The following TFG variants were observed in gnomAD, a reference collection of about 807,000 sequenced individuals.
TFG encodes the protein trafficking from ER to golgi regulator, also known as protein TFG.
In TFG, 22 loss-of-function variants were observed where a neutral mutation model predicts 51.4. That is an observed-to-expected ratio of 0.43 (90% CI 0.31 to 0.61). TFG has a LOEUF of 0.61. Ranked by LOEUF, TFG falls within the 20% of genes least tolerant of loss-of-function variation. The probability of loss-of-function intolerance (pLI) is 0.12; values close to 1 mark genes in which losing one functional copy is unlikely to be tolerated. For missense variants in TFG, 419 were observed against 487.7 expected, an observed-to-expected ratio of 0.86 and a Z score of 1.33; for synonymous variants, 187 against 165.6, an observed-to-expected ratio of 1.13 and a Z score of -0.99.
rs1210008384 is a variant in TFG at position 100,748,226 on chromosome 3, C to T, written c.898C>T (p.Pro300Ser). 6 of 1,614,134 alleles carry T rather than the reference C, an allele frequency of 3.7e-6. No individual in the cohort carries two copies. The highest frequency in any genetic ancestry group is 5.1e-6 in the Non-Finnish European group (6 of 1,179,992). The part of the protein sequence containing the change: ...GYGQQPTSQA[P>S]APAFSGQPQQ... ...TGGCCAGCAACCAACTTCCCAGGCA[C>T]CAGCTCCTGCCTTTTCTGGTCAGCC... The change falls in exon 8 of 8, where the codon CCA becomes TCA. Residue 300 changes from proline to serine, a missense_variant. This residue lies in a region of TFG where 391 missense variants were observed against 434.4 expected (regional missense o/e 0.90). Coordinates refer to ENST00000240851, the MANE Select transcript of TFG (RefSeq NM_006070.6).
rs182688059 is a variant in TFG, at chr3:100,734,347, T to C, written c.580+1675T>C. On this transcript the variant is annotated intron_variant, in intron 5 of 7. Transcript: ENST00000240851. ...GCCTTCTTGAGATATCCTCGTCTGCTCTCCCAGCCCTATAGTCAGCTGGGG... is the reference window on the plus strand; with the variant it reads ...GCCTTCTTGAGATATCCTCGTCTGCCCTCCCAGCCCTATAGTCAGCTGGGG... Among the ~76,000 whole-genome samples, 395 of 152,218 alleles carry C rather than the reference T, an allele frequency of 2.6e-3. 1 individual carries two copies. Among genetic ancestry groups the C allele is most frequent in the Admixed American group, 4.9e-3 (75 of 15,286 alleles).
intron 6 of TFG, among the ~76,000 whole-genome samples, chr3:100,741,944 C>T (rs942100944): frequency 2.6e-5 from 4 of 152,094 alleles, no homozygotes; most frequent in Non-Finnish European, 2.9e-5. Context: ...TGTAAGTATA[C>T]TATATGATTA....
chr3:100,743,091 A>T (rs1037869300), intron 6 of TFG: 1 of 152,208 alleles, frequency 6.6e-6, no homozygotes, highest in Non-Finnish European at 1.5e-5. Context: ...AAATGACTTT[A>T]TAAACTAAAG....
rs1014927592 is a variant in TFG, at chr3:100,723,562, A to G, written c.268+3504A>G. ...AAGTAAAGGGCTAGGAAAAGAGACT[A>G]GACAAATGCAAAGAAAGCTGGTTAT... On this transcript the variant is annotated intron_variant, in intron 3 of 7. Coordinates refer to ENST00000240851, the MANE Select transcript of TFG (RefSeq NM_006070.6). 9.8e-5 allele frequency among the ~76,000 whole-genome samples: 15 copies of G among 152,292 alleles called. No individual in the cohort carries two copies. The East Asian group carries it at 2.9e-3, about 29-fold the overall frequency.
At chr3:100,723,323 G>GA (rs1262919908) in intron 3 of TFG, among the ~76,000 whole-genome samples, 1 of 151,758 alleles carries the variant, frequency 6.6e-6, no homozygotes, top group Non-Finnish European at 1.5e-5. Flanking sequence ...CAGGAAAGGA[G>GA]AAAAAAAGAA....
intron 6 of TFG, chr3:100,743,365 C>A (rs908245221): frequency 1.3e-5 from 2 of 152,002 alleles, no homozygotes; most frequent in African/African-American, 4.8e-5. Flanking sequence ...TACCTACTTA[C>A]CTTTTTATTT....
intron 6 of TFG, among the ~76,000 whole-genome samples, chr3:100,739,094 AGCATGAATTATAGGCTACTTTTACTTTTT>A (rs1371869250): frequency 2.0e-5 from 3 of 152,194 alleles, no homozygotes; most frequent in African/African-American, 7.2e-5. Context: ...ATAGATTCCC[AGCATGAATTATAGGCTACTTTTACTTTTT>A]GTTGTATAAT....
chr3:100,736,831 T>C, intron 6 of TFG, 115 bp downstream of exon 6: 2 of 1,141,150 alleles, frequency 1.8e-6, no homozygotes, highest in South Asian at 1.9e-5. Context: ...GGAAAAATTT[T>C]GATTTACTGA....
At chr3:100,728,926 T>C in intron 4 of TFG, 68 bp downstream of exon 4, 15 of 1,377,974 alleles carry the variant, frequency 1.1e-5, no homozygotes, top group Non-Finnish European at 1.5e-5. Context: ...TAAAAAACTC[T>C]TTTTAAGTAG....
At chr3:100,735,688 AT>A (rs1403339421) in intron 5 of TFG, among the ~76,000 whole-genome samples, 2 of 152,224 alleles carry the variant, frequency 1.3e-5, no homozygotes, top group African/African-American at 4.8e-5. Context: ...TGTCCTCAGA[AT>A]ATCTTTTTTG....
chr3:100,720,163 ATAT>A (rs2095056833), intron 3 of TFG, 105 bp downstream of exon 3: 1 of 618,052 alleles, frequency 1.6e-6, no homozygotes, highest in Non-Finnish European at 2.8e-6. Flanking sequence ...ACTTATTCAA[ATAT>A]TATTACATTT....
intron 6 of TFG, chr3:100,743,515 G>A (rs2095127049): frequency 6.6e-6 from 1 of 151,986 alleles, no homozygotes; most frequent in Admixed American, 6.6e-5. Context: ...AGAAACTTTT[G>A]TAAGCGTTTC....
intron 1 of TFG, chr3:100,710,409 C>T (rs746154931): frequency 5.9e-5 from 9 of 152,220 alleles, no homozygotes; most frequent in Non-Finnish European, 1.3e-4. Flanking sequence ...GACTTAAGAT[C>T]ACATAGCTAG....
intron 2 of TFG, among the ~76,000 whole-genome samples, chr3:100,718,246 A>G (rs1430778659): frequency 6.6e-6 from 1 of 151,996 alleles, no homozygotes; most frequent in Non-Finnish European, 1.5e-5. Context: ...CTTTTTTCCC[A>G]CTTGAAGATG....
At position 100,748,179 on chromosome 3, in the gene TFG, A is replaced by C. The variant is rs2095153456; in HGVS notation, c.851A>C (p.Gln284Pro). ...TATAGTCAGCAGACTGGACCTCAACAACCTCAGCAGTTCCAGGGATATGGC... is the reference window on the plus strand; with the variant it reads ...TATAGTCAGCAGACTGGACCTCAACCACCTCAGCAGTTCCAGGGATATGGC... ...ASYSQQTGPQQPQQFQGYGQQ... is the reference protein window; with the variant it reads ...ASYSQQTGPQPPQQFQGYGQQ... Residue 284 changes from glutamine to proline, a missense_variant, in exon 8 of 8, where the codon CAA becomes CCA. This residue lies in a region of TFG where 391 missense variants were observed against 434.4 expected (regional missense o/e 0.90). Transcript: ENST00000240851. 3.7e-6 allele frequency: 6 copies of C among 1,614,054 alleles called. No homozygotes were observed. The highest frequency in any genetic ancestry group is 5.1e-6 in the Non-Finnish European group (6 of 1,179,958).
At position 100,720,037 on chromosome 3, in the gene TFG, A is replaced by T; in HGVS notation, c.247A>T (p.Ile83Leu). ...TTCCTTTGCAATTCAGTGCAGTAGGATACTGAAACTGACATTATTTGGTGA... is the reference window on the plus strand; with the variant it reads ...TTCCTTTGCAATTCAGTGCAGTAGGTTACTGAAACTGACATTATTTGGTGA... ...DLSFAIQCSRILKLTLFVNGQ... is the reference protein window; with the variant it reads ...DLSFAIQCSRLLKLTLFVNGQ... Residue 83 changes from isoleucine (I) to leucine (L), a missense_variant, in exon 3 of 8, where the codon ATA becomes TTA. By Grantham distance (5) the Ile-to-Leu change is conservative. Transcript: ENST00000240851. 2.6e-6 allele frequency: 4 copies of T among 1,567,986 alleles called. No homozygotes were observed. The highest frequency in any genetic ancestry group is 3.5e-6 in the Non-Finnish European group (4 of 1,157,740).
intron 2 of TFG, among the ~76,000 whole-genome samples, chr3:100,716,594 T>G (rs1431256438): frequency 6.6e-6 from 1 of 152,224 alleles, no homozygotes; most frequent in Non-Finnish European, 1.5e-5. Context: ...GTTCGATTTA[T>G]AGTTTTTTGA....
intron 6 of TFG, among the ~76,000 whole-genome samples, chr3:100,739,500 G>A (rs775654340): frequency 2.6e-5 from 4 of 152,010 alleles, no homozygotes; most frequent in Non-Finnish European, 5.9e-5. Flanking sequence ...GGAGAAGAAC[G>A]CTAAAAATCA....
intron 3 of TFG, among the ~76,000 whole-genome samples, chr3:100,721,055 C>G (rs867073949): frequency 2.7e-4 from 41 of 151,818 alleles, no homozygotes; most frequent in African/African-American, 9.9e-4. Flanking sequence ...TATGAATAAT[C>G]AGAATTTAAA....
Sources: gnomAD v4.1 joint callset for allele counts (sites outside exome capture counted in the v4.1 genomes callset) on GRCh38, gnomAD v4.1.1 for gene constraint, gnomAD v4.1.1 regional missense constraint, MANE v1.5 for transcripts, NCBI Gene and HGNC (gene_info 2026-07-23, HGNC 2026-07-21) for gene names.